The following SLC12A5 variants were observed in gnomAD, a reference collection of about 807,000 sequenced individuals.
SLC12A5 encodes solute carrier family 12 member 5.
A neutral mutation model predicts 124.0 loss-of-function variants in SLC12A5; 18 were observed. The ratio of observed to expected loss-of-function variants is 0.15; its 90% CI spans 0.10 to 0.22. The LOEUF is 0.22. SLC12A5 is among the 10% of genes least tolerant of loss of function. The probability of loss-of-function intolerance (pLI) is 1.00; values close to 1 mark genes in which losing one functional copy is unlikely to be tolerated. For missense variants in SLC12A5, 867 were observed against 1,478.7 expected (o/e 0.59, Z 6.78); for synonymous variants, 589 against 568.0 (o/e 1.04, Z -0.53).
Position 46,044,907 on chromosome 20 carries a change from C to G in SLC12A5, c.1395-59C>G, listed in dbSNP as rs2297197. On this transcript the variant is annotated intron_variant, in intron 11 of 25. Transcript: ENST00000243964. ...TTGGTTCTGTAGTTGGTATGGAGACCTGCCCTGGAAATCCAGGCAGCACTG... is the reference window on the plus strand; with the variant it reads ...TTGGTTCTGTAGTTGGTATGGAGACGTGCCCTGGAAATCCAGGCAGCACTG... The G allele has an allele frequency of 0.28, 450,271 of 1,603,554 alleles. 64,876 individuals carry two copies. Among genetic ancestry groups the G allele is most frequent in the Middle Eastern group, 0.32 (1,908 of 6,026 alleles).
In SLC12A5 at chr20:46,057,732, T is replaced by C. The variant is rs562551043; in HGVS notation, c.*127T>C. ...CCCGTGTCCTGGCCCCTTACCCCGC[T>C]GCCTGAAGCCCGGAGGCCACGCCTG... On this transcript the variant is annotated 3_prime_UTR_variant, in exon 26 of 26. Transcript: ENST00000243964. The surrounding 1 kb of genome is among the most constrained non-coding windows in gnomAD (Gnocchi z 7.1). 1.4e-6 allele frequency: 1 copy of C among 720,868 alleles called. No homozygotes were observed. Among genetic ancestry groups the C allele is most frequent in the Admixed American group, 3.4e-5 (1 of 29,466 alleles). 44.7% of individuals were successfully genotyped at this position (720,868 alleles called of 1,614,324 possible).
At chr20:46,048,867 C>CAAAA (rs11375367) in intron 16 of SLC12A5, among the ~76,000 whole-genome samples, 10 of 146,200 alleles carry the variant, frequency 6.8e-5, no homozygotes, top group South Asian at 2.2e-4. Flanking sequence ...GACCCTGTCT[C>CAAAA]AAAAAAAAAA....
At chr20:46,041,166 A>G in intron 7 of SLC12A5, 163 bp from the exon 8 acceptor site, 2 of 617,388 alleles carry the variant, frequency 3.2e-6, no homozygotes, top group East Asian at 6.0e-5. Flanking sequence ...AGCTTAAGAA[A>G]AAAAAAAAAA....
At position 46,035,923 on chromosome 20, in the gene SLC12A5, T is replaced by C; in HGVS notation, c.426T>C (p.Cys142=). Residue 142 remains cysteine (C), a splice_region_variant and synonymous_variant, in exon 4 of 26, where the codon TGT becomes TGC. Transcript: ENST00000243964. The part of the protein sequence containing the change: ...SFCMVFICCS[C]TMLTAISMSA... Reference sequence around the variant, plus strand: ...GCATGGTGTTCATCTGCTGCTCCTGTGTGAGTGACACCCCTCCCCTCACCA... The same window carrying C: ...GCATGGTGTTCATCTGCTGCTCCTGCGTGAGTGACACCCCTCCCCTCACCA... 3 of 1,607,792 alleles carry C rather than the reference T, an allele frequency of 1.9e-6. No individual in the cohort carries two copies. Among genetic ancestry groups the C allele is most frequent in the Non-Finnish European group, 2.6e-6 (3 of 1,175,220 alleles).
rs138250479 is a variant in SLC12A5 at position 46,040,594 on chromosome 20, C to T, written c.834C>T (p.Ala278=). ...LAIYAGVIKS[A]FDPPNFPICL... is the part of the protein sequence containing the mutation. ...TCTATGCTGGGGTCATCAAGTCTGCCTTCGACCCACCCAACTTCCCGTGAG... is the reference window on the plus strand; with the variant it reads ...TCTATGCTGGGGTCATCAAGTCTGCTTTCGACCCACCCAACTTCCCGTGAG... The change falls in exon 7 of 26, where the codon GCC becomes GCT. Residue 278 remains alanine, a synonymous_variant. Coordinates refer to ENST00000243964, the MANE Select transcript of SLC12A5 (RefSeq NM_020708.5). 1.2e-5 allele frequency: 19 copies of T among 1,614,166 alleles called. No individual in the cohort carries two copies. In the African/African-American group the frequency reaches 2.5e-4, roughly 22 times the overall value.
chr20:46,053,780 G>A lies in SLC12A5; in HGVS notation c.2679+71G>A. 6.8e-7 allele frequency: 1 copy of A among 1,478,716 alleles called. No individual in the cohort carries two copies. Among genetic ancestry groups the A allele is most frequent in the Admixed American group, 2.2e-5 (1 of 46,218 alleles). The allele number at this position is 1,478,716 out of a possible 1,614,324, so 91.6% of individuals were successfully genotyped here. A position where few individuals can be genotyped will look rare whatever the true frequency, so the allele number is the denominator to read the frequency against. On this transcript the variant is annotated intron_variant, in intron 20 of 25. Transcript: ENST00000243964. This position sits in a 1 kb window ranked among gnomAD's most constrained non-coding sequence, Gnocchi z 4.7. ...CCTCTTGGCCCCAGCACCAAGTAGGGCAACTCTAACACCCATCAGCTTATG... is the reference window on the plus strand; with the variant it reads ...CCTCTTGGCCCCAGCACCAAGTAGGACAACTCTAACACCCATCAGCTTATG...
chr20:46,024,785 C>G (rs1363846121), upstream of SLC12A5, among the ~76,000 whole-genome samples: 1 of 152,240 alleles, frequency 6.6e-6, no homozygotes, highest in Non-Finnish European at 1.5e-5. Context: ...ACTTGCTTCA[C>G]CTGTGTCATG....
Position 46,041,473 on chromosome 20 carries a change from A to G in SLC12A5, c.999A>G (p.Glu333=). Reference sequence around the variant, plus strand: ...GCTTCCTCAACGCCACCTGTGATGAATACTTCACCCGAAACAATGTCACAG... The same window carrying G: ...GCTTCCTCAACGCCACCTGTGATGAGTACTTCACCCGAAACAATGTCACAG... ...SSRFLNATCD[E]YFTRNNVTEI... is the part of the protein sequence containing the mutation. The change falls in exon 8 of 26, where the codon GAA becomes GAG. Residue 333 remains glutamate (E), a synonymous_variant. Transcript: ENST00000243964. 2 of 1,614,120 alleles carry G rather than the reference A, an allele frequency of 1.2e-6. No homozygotes were observed. Among genetic ancestry groups the G allele is most frequent in the Non-Finnish European group, 1.7e-6 (2 of 1,180,018 alleles).
chr20:46,027,628 CTGTT>C (rs72102685), upstream of SLC12A5: 59,994 of 151,296 alleles, frequency 0.4, 12,446 homozygotes, highest in East Asian at 0.73. Context: ...GATGTAGTGC[CTGTT>C]TGTTTGTTTG....
chr20:46,022,943 G>GGGGGGAGGAGGAGGAGGA (rs2084367043), exon 2 of SLC12A5: 1 of 347,060 alleles, frequency 2.9e-6, no homozygotes, highest in African/African-American at 3.0e-5. Context: ...CCCCAGCGAG[G>GGGGGGAGGAGGAGGAGGA]GGAGGAGGAG....
chr20:46,049,846 T>C (rs1426150002), intron 17 of SLC12A5, 56 bp downstream of exon 17: 11 of 1,482,904 alleles, frequency 7.4e-6, no homozygotes, highest in African/African-American at 2.8e-5. Context: ...AGGAAGACAG[T>C]CTCTATCCTT....
At chr20:46,038,885 G>A (rs2084520500) in intron 6 of SLC12A5, among the ~76,000 whole-genome samples, 1 of 152,230 alleles carries the variant, frequency 6.6e-6, no homozygotes, top group Non-Finnish European at 1.5e-5. Context: ...GTAGGACAGG[G>A]AGGATGGATG....
chr20:46,048,740 G>A (rs539287781), intron 16 of SLC12A5, among the ~76,000 whole-genome samples: 16 of 151,978 alleles, frequency 1.1e-4, no homozygotes, highest in Non-Finnish European at 1.6e-4. Context: ...GCATGGTGGC[G>A]TGCACCTGTA....
At position 46,029,416 on chromosome 20, in the gene SLC12A5, C is replaced by T. The variant is rs1240845238; in HGVS notation, c.52+20C>T. On this transcript the variant is annotated intron_variant, in intron 1 of 25. Transcript: ENST00000243964. ...ACCCGGGTAAGCTGTGGTCCGGGGG[C>T]GGCGGGGGAGGGGGCAGCGAGGAGA... is the stretch of plus-strand genomic sequence containing the variant. The T allele has an allele frequency of 6.9e-7, 1 of 1,455,632 alleles. No homozygotes were observed. Among genetic ancestry groups the T allele is most frequent in the South Asian group, 1.2e-5 (1 of 80,656 alleles). 90.2% of individuals were successfully genotyped at this position (1,455,632 alleles called of 1,614,324 possible).
In SLC12A5 at chr20:46,051,637, G is replaced by A. The variant is rs781533870; in HGVS notation, c.2182-38G>A. On this transcript the variant is annotated intron_variant, in intron 17 of 25. Coordinates refer to ENST00000243964, the MANE Select transcript of SLC12A5 (RefSeq NM_020708.5). Reference sequence around the variant, plus strand: ...CAATGGGCCCAGCCAGGGCCAGGGAGGCCTGAGGCTGGTCCTTGTCTTTTC... The same window carrying A: ...CAATGGGCCCAGCCAGGGCCAGGGAAGCCTGAGGCTGGTCCTTGTCTTTTC... 8 of 1,573,334 alleles carry A rather than the reference G, an allele frequency of 5.1e-6. No homozygotes were observed. The East Asian group carries it at 1.4e-4, about 27-fold the overall frequency.
chr20:46,024,141 C>CTGTGTGTGTGTGTGTGTG (rs3222615), downstream of SLC12A5, among the ~76,000 whole-genome samples: 1 of 147,646 alleles, frequency 6.8e-6, no homozygotes. Flanking sequence ...GTGGCAGAGG[C>CTGTGTGTGTGTGTGTGTG]TGTGTGTGTG....
In SLC12A5 at chr20:46,035,507, A is replaced by G. The variant is rs760847747; in HGVS notation, c.251A>G (p.Asn84Ser). ...AGGGAGCATGAAGAGGCAGAAAACAATGAGGGTGGAAAAAAGAAGCCGGTG... is the reference window on the plus strand; with the variant it reads ...AGGGAGCATGAAGAGGCAGAAAACAGTGAGGGTGGAAAAAAGAAGCCGGTG... ...GSREHEEAENNEGGKKKPVQA... is the reference protein window; with the variant it reads ...GSREHEEAENSEGGKKKPVQA... Residue 84 changes from asparagine (N) to serine (S), a missense_variant, in exon 3 of 26, where the codon AAT (asparagine) becomes AGT (serine). By Grantham distance (46) the Asn-to-Ser change is conservative. Transcript: ENST00000243964. The G allele has an allele frequency of 6.3e-7, 1 of 1,584,390 alleles. No homozygotes were observed. Among genetic ancestry groups the G allele is most frequent in the Non-Finnish European group, 8.6e-7 (1 of 1,162,214 alleles).
chr20:46,054,374 A>AC (rs1331325241), intron 20 of SLC12A5, among the ~76,000 whole-genome samples: 4 of 152,172 alleles, frequency 2.6e-5, no homozygotes, highest in Admixed American at 6.5e-5. Flanking sequence ...GCCCAATAAC[A>AC]CAGAGTACCT....
chr20:46,044,249 C>G (rs2084573966), intron 11 of SLC12A5, among the ~76,000 whole-genome samples: 1 of 152,074 alleles, frequency 6.6e-6, no homozygotes. Flanking sequence ...TGGTATTTAT[C>G]TGTGTTCCCT....
Sources: gnomAD v4.1 joint callset for allele counts (sites outside exome capture counted in the v4.1 genomes callset) on GRCh38, gnomAD v4.1.1 for gene constraint, Gnocchi (gnomAD v3.1) non-coding constraint, MANE v1.5 for transcripts, NCBI Gene and HGNC (gene_info 2026-07-23, HGNC 2026-07-21) for gene names.